The following B4GALNT2 variants were observed in gnomAD, a reference collection of about 807,000 sequenced individuals.
The protein encoded by B4GALNT2 is N-acetylneuraminylgalactosylglucosyl-glucoside beta-1,4-N- acetylgalactosaminyltransferase 2.
B4GALNT2 carries 42 observed loss-of-function variants against 51.1 expected under a neutral mutation model. The observed-to-expected ratio is 0.82, with a 90% CI of 0.64 to 1.06. The LOEUF (loss-of-function observed/expected upper bound fraction) is 1.06. Among genes scored for constraint, B4GALNT2 ranks in the 50% least tolerant of loss-of-function variants. B4GALNT2 has a pLI of 0.00. For synonymous variants in B4GALNT2, 253 were observed against 251.7 expected, an observed-to-expected ratio of 1.01 and a Z score of -0.05; for missense variants, 602 against 633.6, an observed-to-expected ratio of 0.95 and a Z score of 0.54.
intron 4 of B4GALNT2, among the ~76,000 whole-genome samples, chr17:49,154,736 G>A (rs2042791424): frequency 6.6e-6 from 1 of 151,996 alleles, no homozygotes; most frequent in African/African-American, 2.4e-5. Context: ...CTGAGACAGA[G>A]GGGGATGCAG....
intron 5 of B4GALNT2, 54 bp downstream of exon 5, chr17:49,156,657 C>T (rs1244523717): frequency 6.3e-7 from 1 of 1,583,106 alleles, no homozygotes; most frequent in Non-Finnish European, 8.7e-7. Flanking sequence ...CTCATTCCCT[C>T]AACTGTGGCT....
the B4GALNT2 span, among the ~76,000 whole-genome samples, chr17:49,121,371 G>T: frequency 6.6e-6 from 1 of 152,202 alleles, no homozygotes. Flanking sequence ...ACTGGGCCAA[G>T]ATGCAAAGGT....
rs1302707296 is a variant in B4GALNT2, at chr17:49,142,163, T to G, written c.344T>G (p.Phe115Cys). 9 of 1,613,956 alleles carry G rather than the reference T, an allele frequency of 5.6e-6. No homozygotes were observed. Among genetic ancestry groups the G allele is most frequent in the Non-Finnish European group, 6.8e-6 (8 of 1,180,006 alleles). ...AGGAGACAGGCTGAATTTGAACACT[T>G]TCAGAGGAGGTAATGCGGGTCATGA... ...KARRQAEFEH[F>C]QRREGLPRPL... The change falls in exon 3 of 11, where the codon TTT (phenylalanine) becomes TGT (cysteine). Residue 115 changes from phenylalanine to cysteine, a missense_variant. Coordinates refer to ENST00000393354, the MANE Select transcript of B4GALNT2 (RefSeq NM_001159387.2).
intron 3 of B4GALNT2, among the ~76,000 whole-genome samples, chr17:49,150,482 C>T (rs1039585969): frequency 4.0e-5 from 6 of 151,530 alleles, no homozygotes; most frequent in Admixed American, 1.3e-4. Flanking sequence ...GAATAGAAAG[C>T]GGGGAAGGGT....
At chr17:49,150,734 T>TA (rs2042745109) in intron 3 of B4GALNT2, among the ~76,000 whole-genome samples, 1 of 150,764 alleles carries the variant, frequency 6.6e-6, no homozygotes, top group Admixed American at 6.6e-5. Context: ...GCATGCTCGT[T>TA]AAGAGTCATC....
chr17:49,133,473 G>A (rs1463082445), intron 1 of B4GALNT2, among the ~76,000 whole-genome samples: 1 of 152,188 alleles, frequency 6.6e-6, no homozygotes, highest in South Asian at 2.1e-4. Flanking sequence ...AGAAGGATCA[G>A]ACATACATTT....
rs1178641387 is a variant in B4GALNT2 at position 49,171,086 on chromosome 17, G to A, written c.*1358G>A. 5.0e-6 allele frequency: 1 copy of A among 199,172 alleles called. No individual in the cohort carries two copies. The highest frequency in any genetic ancestry group is 1.0e-5 in the Non-Finnish European group (1 of 97,588). The allele number at this position is 199,172 out of a possible 1,614,324, so 12.3% of individuals were successfully genotyped here. A position where few individuals can be genotyped will look rare whatever the true frequency, so the allele number is the denominator to read the frequency against. On this transcript the variant is annotated 3_prime_UTR_variant, in exon 11 of 11. Coordinates refer to ENST00000393354, the MANE Select transcript of B4GALNT2 (RefSeq NM_001159387.2). Reference sequence around the variant, plus strand: ...GCCATCATGAACATGTCACAGTACTGCAGAGATTTTGTTTATGGCCAGTTT... The same window carrying A: ...GCCATCATGAACATGTCACAGTACTACAGAGATTTTGTTTATGGCCAGTTT...
At chr17:49,129,196 GAGAGAGAGAGAGAT>G (rs1442911963), upstream of B4GALNT2, among the ~76,000 whole-genome samples, 1 of 150,074 alleles carries the variant, frequency 6.7e-6, no homozygotes, top group Non-Finnish European at 1.5e-5. Context: ...GAGACAGAGA[GAGAGAGAGAGAGAT>G]AGAGAGGAGG....
At chr17:49,142,875 A>G (rs2042658093) in intron 3 of B4GALNT2, among the ~76,000 whole-genome samples, 1 of 152,194 alleles carries the variant, frequency 6.6e-6, no homozygotes. Flanking sequence ...CCTGTGCTAT[A>G]TGCAAGGAGT....
chr17:49,162,777 G>A (rs1373374521), intron 7 of B4GALNT2, among the ~76,000 whole-genome samples: 2 of 151,834 alleles, frequency 1.3e-5, no homozygotes, highest in Non-Finnish European at 2.9e-5. Context: ...ATCAGGCATG[G>A]TGGTGCACGT....
intron 3 of B4GALNT2, among the ~76,000 whole-genome samples, chr17:49,147,400 G>T (rs2042705797): frequency 7.1e-6 from 1 of 140,590 alleles, no homozygotes; most frequent in African/African-American, 2.7e-5. Context: ...TTTGAGACAA[G>T]GTCTGGCTCT....
At chr17:49,150,345 A>AG (rs2144304657) in intron 3 of B4GALNT2, among the ~76,000 whole-genome samples, 1 of 151,388 alleles carries the variant, frequency 6.6e-6, no homozygotes, top group Non-Finnish European at 1.5e-5. Flanking sequence ...CCGGGAGGTG[A>AG]GGGGCGCCTC....
intron 1 of B4GALNT2, among the ~76,000 whole-genome samples, chr17:49,138,640 G>A (rs1247386397): frequency 2.6e-5 from 4 of 152,222 alleles, no homozygotes; most frequent in Admixed American, 1.3e-4. Flanking sequence ...CAGTTTGGGA[G>A]GCCGAGGCAG....
At chr17:49,150,738 A>C (rs1005865053) in intron 3 of B4GALNT2, among the ~76,000 whole-genome samples, 16 of 150,692 alleles carry the variant, frequency 1.1e-4, no homozygotes, top group Admixed American at 9.9e-4. Flanking sequence ...GCTCGTTAAG[A>C]GTCATCACCA....
intron 3 of B4GALNT2, among the ~76,000 whole-genome samples, chr17:49,144,380 C>A (rs1374856749): frequency 1.3e-5 from 2 of 152,238 alleles, no homozygotes; most frequent in Admixed American, 6.5e-5. Flanking sequence ...GAGGCACCGT[C>A]TCCATCAGGA....
intron 3 of B4GALNT2, chr17:49,148,701 G>A: frequency 1.8e-6 from 1 of 562,652 alleles, no homozygotes; most frequent in South Asian, 2.3e-5. Flanking sequence ...CTTCTTGTCT[G>A]CCAGCTCCAG....
the B4GALNT2 span, among the ~76,000 whole-genome samples, chr17:49,124,679 G>GTA: frequency 6.6e-6 from 1 of 151,790 alleles, no homozygotes; most frequent in Non-Finnish European, 1.5e-5. Context: ...TTATATTAGT[G>GTA]CTATTAATGT....
rs1200012233 is a variant in B4GALNT2 at position 49,168,754 on chromosome 17, T to C, written c.1169T>C (p.Leu390Pro). 1 of 1,614,124 alleles carries C rather than the reference T, an allele frequency of 6.2e-7. No individual in the cohort carries two copies. The highest frequency in any genetic ancestry group is 1.7e-5 in the Admixed American group (1 of 60,024). ...LLEQSENGAC[L>P]HKRMGFFQPL... ...GAACAGAGTGAGAATGGGGCCTGCC[T>C]TCACAAGAGGATGGGATTTTTCCAA... The change falls in exon 10 of 11, where the codon CTT (leucine) becomes CCT (proline). Residue 390 changes from leucine to proline, a missense_variant. Physicochemically the swap from Leu to Pro is moderately conservative, Grantham distance 98. Coordinates refer to ENST00000393354, the MANE Select transcript of B4GALNT2 (RefSeq NM_001159387.2).
In B4GALNT2 at chr17:49,152,892, C is replaced by T. The variant is rs770682750; in HGVS notation, c.446C>T (p.Thr149Met). The T allele has an allele frequency of 2.7e-5, 43 of 1,609,556 alleles. No individual in the cohort carries two copies. The highest frequency in any genetic ancestry group is 5.0e-5 in the Admixed American group (3 of 59,660). The stretch of plus-strand genomic sequence containing the variant: ...GGAGTGGAGGTGATGCCCCTGCACA[C>T]GGTTCCCATCCCAGGTAAGTACATC... ...VHGVEVMPLH[T>M]VPIPGLQFEG... is the part of the protein sequence containing the mutation. The change falls in exon 4 of 11, where the codon ACG becomes ATG. Residue 149 changes from threonine to methionine, a missense_variant. By Grantham distance (81) the Thr-to-Met change is moderately conservative. Transcript: ENST00000393354.
Sources: allele counts gnomAD v4.1 joint callset (sites outside exome capture counted in the v4.1 genomes callset), GRCh38; gene constraint gnomAD v4.1.1; transcripts MANE v1.5; gene names NCBI Gene and HGNC (gene_info 2026-07-23, HGNC 2026-07-21).